The following SPAG16 variants were observed in gnomAD, a reference collection of about 807,000 sequenced individuals.
SPAG16 encodes the protein sperm associated antigen 16.
In SPAG16, 86 loss-of-function variants were observed where a neutral mutation model predicts 80.4. That is an observed-to-expected ratio of 1.07 (90% confidence interval 0.90 to 1.28). The LOEUF is 1.28. Ranked by LOEUF, SPAG16 falls within the 50% of genes most tolerant of loss-of-function variation. The probability of loss-of-function intolerance (pLI) is 0.00; values close to 1 mark genes in which losing one functional copy is unlikely to be tolerated. For missense variants in SPAG16, 870 were observed against 765.3 expected (o/e 1.14, Z -1.61); for synonymous variants, 294 against 265.9 (o/e 1.11, Z -1.03).
intron 10 of SPAG16, among the ~76,000 whole-genome samples, chr2:213,694,733 C>G (rs1328544041): frequency 6.6e-6 from 1 of 151,074 alleles, no homozygotes; most frequent in East Asian, 2.0e-4. Context: ...TGCTTGCATT[C>G]CTCTCTTCTT....
chr2:213,841,127 T>G (rs1022568410), intron 10 of SPAG16, among the ~76,000 whole-genome samples: 1 of 152,144 alleles, frequency 6.6e-6, no homozygotes, highest in Non-Finnish European at 1.5e-5. Context: ...TTGGTTTTTG[T>G]TTTTTGATTG....
chr2:213,550,593 T>C (rs1015860603), intron 10 of SPAG16, among the ~76,000 whole-genome samples: 1 of 152,146 alleles, frequency 6.6e-6, no homozygotes, highest in Non-Finnish European at 1.5e-5. Flanking sequence ...TATACTTTTT[T>C]ATCTCTCAAG....
chr2:213,875,000 T>G (rs923753781), intron 11 of SPAG16, among the ~76,000 whole-genome samples: 8 of 152,096 alleles, frequency 5.3e-5, no homozygotes, highest in African/African-American at 1.9e-4. Flanking sequence ...TGGAGTGCAG[T>G]GGTGCATCAT....
intron 10 of SPAG16, among the ~76,000 whole-genome samples, chr2:213,795,661 C>A (rs898348012): frequency 6.6e-6 from 1 of 152,162 alleles, no homozygotes; most frequent in Non-Finnish European, 1.5e-5. Context: ...GTGATTAGAT[C>A]ATGAGGGTGG....
At chr2:214,277,717 A>G (rs540225277) in intron 15 of SPAG16, among the ~76,000 whole-genome samples, 2 of 152,328 alleles carry the variant, frequency 1.3e-5, no homozygotes, top group South Asian at 2.1e-4. Context: ...TGAGGTGTCA[A>G]TCAGCCCCTA....
chr2:214,224,813 A>G (rs543059371), intron 15 of SPAG16, among the ~76,000 whole-genome samples: 2 of 152,302 alleles, frequency 1.3e-5, no homozygotes, highest in South Asian at 4.1e-4. Context: ...GCAACTTTCT[A>G]GAAACAGAGT....
At chr2:214,019,278 C>CT (rs10627865) in intron 13 of SPAG16, among the ~76,000 whole-genome samples, 19,212 of 150,818 alleles carry the variant, frequency 0.13, 1,674 homozygotes, top group African/African-American at 0.26. Context: ...AATATTAAGG[C>CT]TTTTTTTTTA....
At chr2:214,275,213 G>A (rs1692369762) in intron 15 of SPAG16, among the ~76,000 whole-genome samples, 1 of 152,098 alleles carries the variant, frequency 6.6e-6, no homozygotes, top group Admixed American at 6.5e-5. Context: ...CTTGCTAGCA[G>A]TCTATCAATT....
chr2:213,512,605 C>G (rs2125819627), intron 10 of SPAG16, among the ~76,000 whole-genome samples: 1 of 152,142 alleles, frequency 6.6e-6, no homozygotes, highest in South Asian at 2.1e-4. Flanking sequence ...GACCTTTGTA[C>G]AAGAGAAGGG....
At chr2:213,293,135 G>C (rs955695880) in intron 1 of SPAG16, among the ~76,000 whole-genome samples, 8 of 152,138 alleles carry the variant, frequency 5.3e-5, no homozygotes, top group Non-Finnish European at 1.0e-4. Context: ...TCATGGTTTT[G>C]TAAGTGTCTG....
chr2:213,800,006 CTGTT>C (rs563687978), intron 10 of SPAG16, among the ~76,000 whole-genome samples: 1 of 150,356 alleles, frequency 6.7e-6, no homozygotes, highest in East Asian at 2.0e-4. Flanking sequence ...CTCACACTGT[CTGTT>C]TTACTGTCTT....
chr2:214,042,306 A>G (rs2125098251), intron 13 of SPAG16, among the ~76,000 whole-genome samples: 1 of 151,854 alleles, frequency 6.6e-6, no homozygotes, highest in South Asian at 2.1e-4. Context: ...ATTAAACTTG[A>G]CCCGGATATA....
At chr2:213,708,704 T>C (rs1315763456) in intron 10 of SPAG16, among the ~76,000 whole-genome samples, 1 of 152,108 alleles carries the variant, frequency 6.6e-6, no homozygotes, top group Non-Finnish European at 1.5e-5. Context: ...GAGAATCACT[T>C]GAACCCAGGA....
At chr2:214,030,957 G>A (rs1452395311) in intron 13 of SPAG16, among the ~76,000 whole-genome samples, 1 of 152,196 alleles carries the variant, frequency 6.6e-6, no homozygotes, top group Admixed American at 6.5e-5. Flanking sequence ...TAGGACAGTT[G>A]TGAAGCATGT....
chr2:213,864,982 C>T (rs79464968), intron 11 of SPAG16, among the ~76,000 whole-genome samples: 2,731 of 151,660 alleles, frequency 0.018, 36 homozygotes, highest in Non-Finnish European at 0.024. Context: ...AATATGATGT[C>T]GAAATATATA....
At chr2:214,159,016 T>C (rs886456121) in intron 15 of SPAG16, among the ~76,000 whole-genome samples, 2 of 151,988 alleles carry the variant, frequency 1.3e-5, no homozygotes. Context: ...TGTATCTATG[T>C]GGCAAGTATG....
At chr2:213,937,857 G>A (rs189754042) in intron 12 of SPAG16, among the ~76,000 whole-genome samples, 397 of 152,064 alleles carry the variant, frequency 2.6e-3, no homozygotes, top group African/African-American at 9.1e-3. Context: ...TAAACTTGAT[G>A]TGAACGTTCT....
At chr2:213,509,189 G>T (rs2075118065) in intron 10 of SPAG16, among the ~76,000 whole-genome samples, 1 of 151,880 alleles carries the variant, frequency 6.6e-6, no homozygotes, top group African/African-American at 2.4e-5. Context: ...GAAGAGACGG[G>T]GTTTCACCAT....
At chr2:213,681,117 G>A (rs6755913) in intron 10 of SPAG16, among the ~76,000 whole-genome samples, 1 of 151,942 alleles carries the variant, frequency 6.6e-6, no homozygotes, top group Non-Finnish European at 1.5e-5. Context: ...ATTGTCTCCT[G>A]GACCTGGAAA....
Sources: gnomAD v4.1 joint callset for allele counts (sites outside exome capture counted in the v4.1 genomes callset) on GRCh38, gnomAD v4.1.1 for gene constraint, MANE v1.5 for transcripts, NCBI Gene and HGNC (gene_info 2026-07-23, HGNC 2026-07-21) for gene names.